Variants in CDH4 observed in about 807,000 individuals in gnomAD.
CDH4 encodes cadherin 4.
Under a neutral mutation model 86.0 loss-of-function variants are expected in CDH4, and 33 were observed. The ratio of observed to expected loss-of-function variants is 0.38; its 90% CI spans 0.29 to 0.51. The LOEUF (loss-of-function observed/expected upper bound fraction) is 0.51, where lower values mean the gene tolerates loss of function less well. Among genes scored for constraint, CDH4 ranks in the 20% least tolerant of loss-of-function variants. CDH4 has a pLI of 0.86. For synonymous variants in CDH4, 555 were observed against 549.4 expected, an observed-to-expected ratio of 1.01 and a Z score of -0.14; for missense variants, 1,114 against 1,307.4, an observed-to-expected ratio of 0.85 and a Z score of 2.28.
intron 4 of CDH4, among the ~76,000 whole-genome samples, chr20:61,798,227 A>G (rs1979648075): frequency 6.9e-6 from 1 of 145,182 alleles, no homozygotes; most frequent in Non-Finnish European, 1.5e-5. Context: ...TCCTGCCAGG[A>G]GCACCCTCAG....
chr20:61,768,376 G>A (rs571310143), intron 3 of CDH4, among the ~76,000 whole-genome samples: 1 of 152,294 alleles, frequency 6.6e-6, no homozygotes, highest in East Asian at 1.9e-4. Flanking sequence ...GTGCGTACAT[G>A]CATGCATACA....
intron 2 of CDH4, among the ~76,000 whole-genome samples, chr20:61,316,607 C>T (rs141856884): frequency 1.4e-3 from 213 of 152,256 alleles, no homozygotes; most frequent in African/African-American, 4.6e-3. Context: ...TGCTTTTCAG[C>T]GCAATTAATT....
At chr20:61,457,645 G>A (rs1394857115) in intron 2 of CDH4, among the ~76,000 whole-genome samples, 1 of 151,886 alleles carries the variant, frequency 6.6e-6, no homozygotes, top group Non-Finnish European at 1.5e-5. Context: ...GTGATGGTAA[G>A]ATGGTCATGG....
chr20:61,555,681 T>A (rs1020372578), intron 2 of CDH4, among the ~76,000 whole-genome samples: 1 of 152,234 alleles, frequency 6.6e-6, no homozygotes, highest in Non-Finnish European at 1.5e-5. Flanking sequence ...GCGATTCCAT[T>A]TGGAATGAAT....
At chr20:61,386,965 G>A (rs1021341657) in intron 2 of CDH4, among the ~76,000 whole-genome samples, 1 of 152,272 alleles carries the variant, frequency 6.6e-6, no homozygotes, top group Admixed American at 6.5e-5. Flanking sequence ...AGCTGCCCAT[G>A]GGAGGAACTC....
intron 7 of CDH4, among the ~76,000 whole-genome samples, chr20:61,888,937 A>G (rs758519503): frequency 2.0e-5 from 3 of 152,194 alleles, no homozygotes; most frequent in Non-Finnish European, 2.9e-5. Flanking sequence ...CTGACCACGC[A>G]GTGTGACACC....
chr20:61,523,678 C>T (rs1166937929), intron 2 of CDH4, among the ~76,000 whole-genome samples: 2 of 152,242 alleles, frequency 1.3e-5, no homozygotes, highest in African/African-American at 4.8e-5. Context: ...ACAGTGGGGC[C>T]AGGAGGGCAC....
intron 2 of CDH4, among the ~76,000 whole-genome samples, chr20:61,700,256 G>A (rs934360300): frequency 2.6e-5 from 4 of 152,248 alleles, no homozygotes; most frequent in African/African-American, 9.6e-5. Context: ...CCCTAGATCT[G>A]CACGTCAGGG....
At chr20:61,926,665 G>A (rs150949402) in intron 11 of CDH4, among the ~76,000 whole-genome samples, 2,823 of 152,300 alleles carry the variant, frequency 0.019, 86 homozygotes, top group African/African-American at 0.064. Context: ...GAGGTCAGGA[G>A]TTCAAGACCA....
intron 2 of CDH4, among the ~76,000 whole-genome samples, chr20:61,539,746 C>T (rs997254964): frequency 6.6e-6 from 1 of 152,230 alleles, no homozygotes; most frequent in Non-Finnish European, 1.5e-5. Context: ...CCCCCCCAAG[C>T]CCTGCTGTCA....
chr20:61,929,472 T>C, intron 12 of CDH4, 137 bp from the exon 13 acceptor site: 1 of 651,522 alleles, frequency 1.5e-6, no homozygotes, highest in Non-Finnish European at 2.8e-6. Flanking sequence ...GTAGCACAGG[T>C]GTATGTATGT....
chr20:61,556,829 A>T (rs2086181396), intron 2 of CDH4, among the ~76,000 whole-genome samples: 1 of 151,646 alleles, frequency 6.6e-6, no homozygotes, highest in African/African-American at 2.4e-5. Flanking sequence ...GGTGAAAGGG[A>T]GCTGTGGTCG....
At chr20:61,324,463 C>T (rs556929589) in intron 2 of CDH4, among the ~76,000 whole-genome samples, 1 of 152,290 alleles carries the variant, frequency 6.6e-6, no homozygotes, top group East Asian at 1.9e-4. Flanking sequence ...CTTTGGCCAG[C>T]TCCTGGTGGC....
rs1980366593 is a variant in CDH4, at chr20:61,810,290, G to A, written c.577-34378G>A. On this transcript the variant is annotated intron_variant, in intron 4 of 15. Coordinates refer to ENST00000614565, the MANE Select transcript of CDH4 (RefSeq NM_001794.5). The surrounding 1 kb of genome is among the most constrained non-coding windows in gnomAD (Gnocchi z 4.3). ...ATGGCCACATGTGGCTATCCACCGGGCCAGTCGGGGCGGCTGTGCCAGGCT... is the reference window on the plus strand; with the variant it reads ...ATGGCCACATGTGGCTATCCACCGGACCAGTCGGGGCGGCTGTGCCAGGCT... 6.6e-6 allele frequency among the ~76,000 whole-genome samples: 1 copy of A among 152,224 alleles called. No individual in the cohort carries two copies. Among genetic ancestry groups the A allele is most frequent in the African/African-American group, 2.4e-5 (1 of 41,460 alleles).
intron 2 of CDH4, among the ~76,000 whole-genome samples, chr20:61,707,899 A>T (rs2087849326): frequency 6.6e-6 from 1 of 152,060 alleles, no homozygotes; most frequent in Non-Finnish European, 1.5e-5. Flanking sequence ...TCAGCTCGGG[A>T]ATGTGTCTGG....
intron 2 of CDH4, among the ~76,000 whole-genome samples, chr20:61,318,197 TC>T (rs2084488042): frequency 6.6e-6 from 1 of 152,170 alleles, no homozygotes; most frequent in Non-Finnish European, 1.5e-5. Context: ...ACTGCCCGGC[TC>T]CTGTTTAGAC....
intron 2 of CDH4, among the ~76,000 whole-genome samples, chr20:61,543,066 G>C (rs6121679): frequency 0.079 from 12,103 of 152,280 alleles, 1,351 homozygotes; most frequent in African/African-American, 0.25. Flanking sequence ...GAGACCAGAA[G>C]ACTCAGCCAG....
At chr20:61,440,054 A>G (rs535804443) in intron 2 of CDH4, among the ~76,000 whole-genome samples, 1 of 152,336 alleles carries the variant, frequency 6.6e-6, no homozygotes, top group East Asian at 1.9e-4. Context: ...GCCTCAGTGC[A>G]ATGGAGTTGG....
chr20:61,406,320 C>G (rs982680850), intron 2 of CDH4, among the ~76,000 whole-genome samples: 1 of 150,614 alleles, frequency 6.6e-6, no homozygotes, highest in African/African-American at 2.5e-5. Flanking sequence ...CCTGGACCAC[C>G]ATCTGCTCTG....
Sources: gnomAD v4.1 joint callset for allele counts (sites outside exome capture counted in the v4.1 genomes callset) on GRCh38, gnomAD v4.1.1 for gene constraint, Gnocchi (gnomAD v3.1) non-coding constraint, MANE v1.5 for transcripts, NCBI Gene and HGNC (gene_info 2026-07-23, HGNC 2026-07-21) for gene names.